Variants in SEMA5A observed in about 807,000 individuals in gnomAD.
SEMA5A encodes the protein semaphorin 5A.
In SEMA5A, 55 loss-of-function variants were observed where a neutral mutation model predicts 135.5. The observed-to-expected ratio is 0.41, with a 90% CI of 0.33 to 0.51. The LOEUF is 0.51. Among genes scored for constraint, SEMA5A ranks in the 20% least tolerant of loss-of-function variants. The pLI, the probability that SEMA5A is intolerant of heterozygous loss-of-function variation, is 0.37. For synonymous variants in SEMA5A, 580 were observed against 546.5 expected (o/e 1.06, Z -0.85); for missense variants, 1,290 against 1,419.9 (o/e 0.91, Z 1.47).
chr5:9,359,919 A>G (rs941379544), intron 3 of SEMA5A, among the ~76,000 whole-genome samples: 6 of 152,218 alleles, frequency 3.9e-5, no homozygotes, highest in African/African-American at 1.4e-4. Context: ...TCCTTTGACA[A>G]CACTAGGTGG....
At position 9,113,152 on chromosome 5, in the gene SEMA5A, C is replaced by T. The variant is rs548478290; in HGVS notation, c.1926-4865G>A. Among the ~76,000 whole-genome samples the T allele has an allele frequency of 2.0e-5, 3 of 152,274 alleles. No homozygotes were observed. In the East Asian group the frequency reaches 5.8e-4, roughly 29 times the overall value. ...GCCCAGATTAAAAAACTCATAGACA[C>T]CATGAGCAAATAAACACCTGGTGCT... On this transcript the variant is annotated intron_variant, in intron 15 of 22. Coordinates refer to ENST00000382496, the MANE Select transcript of SEMA5A (RefSeq NM_003966.3).
At chr5:9,088,649 T>TAC (rs1438395430) in intron 16 of SEMA5A, among the ~76,000 whole-genome samples, 2 of 111,304 alleles carry the variant, frequency 1.8e-5, no homozygotes, top group Non-Finnish European at 3.7e-5. Context: ...TATATATATA[T>TAC]ATATATATAT....
chr5:9,387,777 A>G (rs1413947655), intron 2 of SEMA5A, among the ~76,000 whole-genome samples: 3 of 152,360 alleles, frequency 2.0e-5, no homozygotes, highest in Non-Finnish European at 4.4e-5. Flanking sequence ...CTTTTTCAAA[A>G]ACGATAACTG....
chr5:9,135,282 G>A (rs1162322690), intron 13 of SEMA5A, among the ~76,000 whole-genome samples: 10 of 148,888 alleles, frequency 6.7e-5, no homozygotes, highest in South Asian at 2.1e-4. Context: ...CCGAGTTCAC[G>A]CCATTCTCCT....
chr5:9,247,134 G>A (rs764057520), intron 5 of SEMA5A, among the ~76,000 whole-genome samples: 45 of 152,264 alleles, frequency 3.0e-4, no homozygotes, highest in African/African-American at 1.0e-3. Flanking sequence ...CAGAAACCAC[G>A]CAACTCTTTG....
At chr5:9,087,211 A>T (rs970508039) in intron 16 of SEMA5A, among the ~76,000 whole-genome samples, 1 of 152,232 alleles carries the variant, frequency 6.6e-6, no homozygotes, top group Non-Finnish European at 1.5e-5. Context: ...GCCATTACCG[A>T]CATGGCTGTT....
At chr5:9,315,931 A>C (rs1162218668) in intron 5 of SEMA5A, among the ~76,000 whole-genome samples, 4 of 152,158 alleles carry the variant, frequency 2.6e-5, no homozygotes, top group African/African-American at 9.7e-5. Context: ...GGCTGTCATC[A>C]AACTCTGACC....
intron 11 of SEMA5A, among the ~76,000 whole-genome samples, chr5:9,174,020 A>C (rs1452274526): frequency 6.6e-6 from 1 of 152,244 alleles, no homozygotes; most frequent in Non-Finnish European, 1.5e-5. Context: ...AGAGAGATGA[A>C]AATATTATAA....
intron 13 of SEMA5A, among the ~76,000 whole-genome samples, chr5:9,130,315 AT>A (rs1231783633): frequency 1.3e-5 from 2 of 152,196 alleles, no homozygotes; most frequent in Non-Finnish European, 2.9e-5. Context: ...TTAAAAAAAA[AT>A]CTTCCTTTTT....
chr5:9,497,814 C>T (rs1024723402), intron 1 of SEMA5A, among the ~76,000 whole-genome samples: 1 of 152,192 alleles, frequency 6.6e-6, no homozygotes, highest in African/African-American at 2.4e-5. Flanking sequence ...TTAATTTCTT[C>T]CTAAAACTGC....
intron 3 of SEMA5A, among the ~76,000 whole-genome samples, chr5:9,349,597 T>C (rs903980431): frequency 1.3e-5 from 2 of 152,166 alleles, no homozygotes; most frequent in African/African-American, 2.4e-5. Flanking sequence ...CCAGTAGCCA[T>C]GTTAAAATGC....
At chr5:9,122,615 T>A (rs911614574) in intron 14 of SEMA5A, 41 bp downstream of exon 14, 3 of 1,451,610 alleles carry the variant, frequency 2.1e-6, no homozygotes, top group Non-Finnish European at 2.8e-6. Flanking sequence ...AATCTGAGTT[T>A]AATACACAGC....
intron 1 of SEMA5A, chr5:9,523,308 CT>C (rs1285714899): frequency 1.3e-5 from 2 of 152,112 alleles, no homozygotes; most frequent in East Asian, 3.9e-4. Flanking sequence ...GAGATGTAAG[CT>C]CCTGGTCTCT....
intron 2 of SEMA5A, among the ~76,000 whole-genome samples, chr5:9,390,272 G>A (rs959052670): frequency 6.6e-6 from 1 of 152,160 alleles, no homozygotes; most frequent in Non-Finnish European, 1.5e-5. Flanking sequence ...AAAAAGGGGG[G>A]TCCCCTGGGC....
chr5:9,358,498 G>T (rs1754551126), intron 3 of SEMA5A, among the ~76,000 whole-genome samples: 1 of 152,178 alleles, frequency 6.6e-6, no homozygotes, highest in African/African-American at 2.4e-5. Context: ...TCCAGACCTT[G>T]CCTCTCAGGT....
At chr5:9,446,570 C>T (rs1758442390) in intron 1 of SEMA5A, among the ~76,000 whole-genome samples, 1 of 152,064 alleles carries the variant, frequency 6.6e-6, no homozygotes. Context: ...TCTGGGCTTC[C>T]ACTCTGACAG....
At chr5:9,321,843 TACTC>T (rs1276450264) in intron 4 of SEMA5A, among the ~76,000 whole-genome samples, 1 of 152,236 alleles carries the variant, frequency 6.6e-6, no homozygotes, top group Non-Finnish European at 1.5e-5. Flanking sequence ...CTTTCTTGCT[TACTC>T]ACACACATAC....
intron 1 of SEMA5A, among the ~76,000 whole-genome samples, chr5:9,503,218 T>C (rs765117544): frequency 6.6e-6 from 1 of 152,222 alleles, no homozygotes. Flanking sequence ...AGAGGGGCAC[T>C]TCTTCACCCC....
Position 9,264,619 on chromosome 5 carries a change from CTCATAGTGACACCTCCCACCCTGAGG to C in SEMA5A, c.271-26755_271-26730del, listed in dbSNP as rs576403785. Reference sequence around the variant, plus strand: ...TCCAGGTTGCTGGGGGTGTGGCATTCTCATAGTGACACCTCCCACCCTGAGGTCATAGTGACACCTCCCACCCTGAG... The same window carrying C: ...TCCAGGTTGCTGGGGGTGTGGCATTCTCATAGTGACACCTCCCACCCTGAG... On this transcript the variant is annotated intron_variant, in intron 5 of 22. Transcript: ENST00000382496. 3.0e-3 allele frequency among the ~76,000 whole-genome samples: 452 copies of C among 152,152 alleles called. 2 individuals carry two copies. Among genetic ancestry groups the C allele is most frequent in the Admixed American group, 7.3e-3 (111 of 15,272 alleles).
Sources: allele counts gnomAD v4.1 joint callset (sites outside exome capture counted in the v4.1 genomes callset), GRCh38; gene constraint gnomAD v4.1.1; transcripts MANE v1.5; gene names NCBI Gene and HGNC (gene_info 2026-07-23, HGNC 2026-07-21).